HOXB3: variants seen among roughly 807,000 people sequenced by gnomAD.
The protein encoded by HOXB3 is homeobox protein Hox-B3.
In HOXB3, 17 loss-of-function variants were observed where a neutral mutation model predicts 29.2. The observed-to-expected ratio is 0.58, with a 90% CI of 0.40 to 0.87. HOXB3 has a LOEUF of 0.87. HOXB3 is among the 40% of genes least tolerant of loss of function. HOXB3 has a pLI of 0.00. For synonymous variants in HOXB3, 317 were observed against 285.9 expected (o/e 1.11, Z -1.10); for missense variants, 637 against 616.3 (o/e 1.03, Z -0.35).
Position 48,549,654 on chromosome 17 carries a change from T to C in HOXB3, c.*680A>G, listed in dbSNP as rs1432839171. The C allele has an allele frequency of 6.6e-6, 1 of 152,502 alleles. No individual in the cohort carries two copies. Among genetic ancestry groups the C allele is most frequent in the Non-Finnish European group, 1.5e-5 (1 of 68,018 alleles). 9.4% of individuals were successfully genotyped at this position (152,502 alleles called of 1,614,324 possible). ...ACTTTTCCTTAAAAAAAAATGTATA[T>C]AATTTATAATATAGGCAGCTCTTTC... On this transcript the variant is annotated 3_prime_UTR_variant, in exon 5 of 5. Coordinates refer to ENST00000498678, the MANE Select transcript of HOXB3 (RefSeq NM_001384749.1).
chr17:48,557,677 G>C (rs572708027), intron 2 of HOXB3, among the ~76,000 whole-genome samples: 2 of 152,302 alleles, frequency 1.3e-5, no homozygotes, highest in Non-Finnish European at 2.9e-5. Context: ...GTTGACAGCT[G>C]GGGGGAAGCA....
At chr17:48,576,650 T>TTCCCCCCCCCCC in intron 1 of HOXB3, 3 of 567,764 alleles carry the variant, frequency 5.3e-6, no homozygotes, top group South Asian at 2.9e-5. Flanking sequence ...CCCCCTCCTG[T>TTCCCCCCCCCCC]CCCCCCACCC....
At chr17:48,576,565 C>T in intron 1 of HOXB3, 1 of 562,358 alleles carries the variant, frequency 1.8e-6, no homozygotes, top group Non-Finnish European at 2.9e-6. Flanking sequence ...GCTTCCCCTC[C>T]CCCTCTTCTG....
chr17:48,558,577 G>A (rs73985864), intron 2 of HOXB3, among the ~76,000 whole-genome samples: 4,594 of 152,184 alleles, frequency 0.03, 234 homozygotes, highest in African/African-American at 0.11. Flanking sequence ...GCGAGCAGGC[G>A]GGCTGCCCTC....
intron 2 of HOXB3, among the ~76,000 whole-genome samples, chr17:48,562,519 G>T (rs559970615): frequency 2.0e-5 from 3 of 152,126 alleles, no homozygotes; most frequent in Non-Finnish European, 4.4e-5. Flanking sequence ...TCTGCTCTTG[G>T]GAAATGTGTA....
intron 1 of HOXB3, among the ~76,000 whole-genome samples, chr17:48,585,520 T>C (rs1408803162): frequency 1.3e-5 from 2 of 152,194 alleles, no homozygotes; most frequent in African/African-American, 4.8e-5. Context: ...AGCCTGGCTG[T>C]GAACTTGGTC....
At position 48,577,101 on chromosome 17, in the gene HOXB3, C is replaced by T. The variant is rs867249543; in HGVS notation, c.-424-3087G>A. 1.9e-5 allele frequency: 26 copies of T among 1,350,858 alleles called. No individual in the cohort carries two copies. In the African/African-American group the frequency reaches 3.1e-4, roughly 16 times the overall value. The allele number at this position is 1,350,858 out of a possible 1,614,324, so 83.7% of individuals were successfully genotyped here. A position where few individuals can be genotyped will look rare whatever the true frequency, so the allele number is the denominator to read the frequency against. ...GAGTCCTTTCTTCCAGGGAACACAG[C>T]GTTTCCCTCCCTCCCTCTCCCGCCA... On this transcript the variant is annotated intron_variant, in intron 1 of 4. Transcript: ENST00000498678.
chr17:48,562,306 C>A (rs187715752), intron 2 of HOXB3, among the ~76,000 whole-genome samples: 1 of 152,256 alleles, frequency 6.6e-6, no homozygotes, highest in East Asian at 1.9e-4. Context: ...ATACACCTAC[C>A]AGCCTTCCCA....
At chr17:48,567,324 T>C (rs1355576888) in intron 2 of HOXB3, among the ~76,000 whole-genome samples, 1 of 152,232 alleles carries the variant, frequency 6.6e-6, no homozygotes, top group African/African-American at 2.4e-5. Flanking sequence ...GCGGCGTTGC[T>C]CTAACTTCCC....
intron 2 of HOXB3, among the ~76,000 whole-genome samples, chr17:48,560,935 C>G (rs190716918): frequency 2.0e-5 from 3 of 152,264 alleles, no homozygotes; most frequent in African/African-American, 7.2e-5. Flanking sequence ...AAACCACACT[C>G]TGTTGGGAGG....
In HOXB3 at chr17:48,551,051, C is replaced by T. The variant is rs754009841; in HGVS notation, c.579G>A (p.Thr193=). The part of the protein sequence containing the change: ...PGSAASKRAR[T]AYTSAQLVEL... ...CCACCAGCTGCGCGCTCGTGTACGC[C>T]GTCCGCGCCCGCTTGGACGCCGCCG... The change falls in exon 5 of 5, where the codon ACG becomes ACA. Residue 193 remains threonine (T), a synonymous_variant. Transcript: ENST00000498678. The T allele has an allele frequency of 1.1e-5, 17 of 1,591,284 alleles. No homozygotes were observed. Among genetic ancestry groups the T allele is most frequent in the Non-Finnish European group, 1.2e-5 (14 of 1,166,348 alleles).
At chr17:48,579,940 G>A (rs1340659743) in intron 1 of HOXB3, 2 of 516,554 alleles carry the variant, frequency 3.9e-6, no homozygotes, top group South Asian at 3.0e-5. Flanking sequence ...ACAGAAGACA[G>A]ACAGATCTTC....
intron 1 of HOXB3, chr17:48,578,250 A>G: frequency 1.2e-6 from 2 of 1,614,062 alleles, no homozygotes; most frequent in Non-Finnish European, 1.7e-6. Flanking sequence ...TCGCTCTGTG[A>G]ATATTCCTCG....
At chr17:48,573,164 G>T (rs2069641905) in intron 2 of HOXB3, among the ~76,000 whole-genome samples, 1 of 152,204 alleles carries the variant, frequency 6.6e-6, no homozygotes, top group African/African-American at 2.4e-5. Flanking sequence ...CCTCCAGGAA[G>T]AAGGCTGGGG....
chr17:48,549,960 T>G lies in HOXB3; in HGVS notation c.*374A>C. 1 of 185,668 alleles carries G rather than the reference T, an allele frequency of 5.4e-6. No individual in the cohort carries two copies. Among genetic ancestry groups the G allele is most frequent in the Non-Finnish European group, 1.1e-5 (1 of 88,016 alleles). The allele number at this position is 185,668 out of a possible 1,614,324, so 11.5% of individuals were successfully genotyped here. A position where few individuals can be genotyped will look rare whatever the true frequency, so the allele number is the denominator to read the frequency against. On this transcript the variant is annotated 3_prime_UTR_variant, in exon 5 of 5. Coordinates refer to ENST00000498678, the MANE Select transcript of HOXB3 (RefSeq NM_001384749.1). ...CAAAGATGTAAGGTAAGTCCGTTGGTTGGTGATGGCCTAGCCATCTTGTCT... is the reference window on the plus strand; with the variant it reads ...CAAAGATGTAAGGTAAGTCCGTTGGGTGGTGATGGCCTAGCCATCTTGTCT...
chr17:48,588,233 A>C (rs1023621021), intron 1 of HOXB3, among the ~76,000 whole-genome samples: 3 of 152,168 alleles, frequency 2.0e-5, no homozygotes, highest in Non-Finnish European at 2.9e-5. Flanking sequence ...AGAAGAGGAA[A>C]GCCCAGCCTA....
intron 2 of HOXB3, among the ~76,000 whole-genome samples, chr17:48,573,528 A>G (rs1466489475): frequency 6.6e-6 from 1 of 152,068 alleles, no homozygotes; most frequent in Non-Finnish European, 1.5e-5. Context: ...GCATTTTCCA[A>G]AACCAGAAAA....
intron 1 of HOXB3, among the ~76,000 whole-genome samples, chr17:48,574,841 T>C (rs1431022179): frequency 2.0e-5 from 3 of 152,124 alleles, no homozygotes; most frequent in Admixed American, 6.5e-5. Context: ...AGAAAGAAAA[T>C]GAAAATTAAT....
rs563762772 is a variant in HOXB3, at chr17:48,554,891, T to C, written c.-159+640A>G. On this transcript the variant is annotated intron_variant, in intron 3 of 4. Transcript: ENST00000498678. This position sits in a 1 kb window ranked among gnomAD's most constrained non-coding sequence, Gnocchi z 4.1. Reference sequence around the variant, plus strand: ...AGAAAGGTGCTAAGGGGACCCAAGATCTGGGATCCAGAACAAGAGGGGGTG... The same window carrying C: ...AGAAAGGTGCTAAGGGGACCCAAGACCTGGGATCCAGAACAAGAGGGGGTG... 36 of 695,018 alleles carry C rather than the reference T, an allele frequency of 5.2e-5. No homozygotes were observed. Among genetic ancestry groups the C allele is most frequent in the South Asian group, 3.6e-4 (24 of 67,310 alleles). The allele number at this position is 695,018 out of a possible 1,614,324, so 43.1% of individuals were successfully genotyped here. A position where few individuals can be genotyped will look rare whatever the true frequency, so the allele number is the denominator to read the frequency against.
Sources: gnomAD v4.1 joint callset for allele counts (sites outside exome capture counted in the v4.1 genomes callset) on GRCh38, gnomAD v4.1.1 for gene constraint, Gnocchi (gnomAD v3.1) non-coding constraint, MANE v1.5 for transcripts, NCBI Gene and HGNC (gene_info 2026-07-23, HGNC 2026-07-21) for gene names.